MDGA2: variants seen among roughly 807,000 people sequenced by gnomAD.
MDGA2 encodes the protein MAM domain-containing glycosylphosphatidylinositol anchor protein 2.
In MDGA2, 40 loss-of-function variants were observed where a neutral mutation model predicts 117.8. That is an observed-to-expected ratio of 0.34 (90% CI 0.26 to 0.44). The LOEUF (loss-of-function observed/expected upper bound fraction) is 0.44. Among genes scored for constraint, MDGA2 ranks in the 20% least tolerant of loss-of-function variants. MDGA2 has a pLI of 1.00. For missense variants in MDGA2, 1,123 were observed against 1,250.6 expected, an observed-to-expected ratio of 0.90 and a Z score of 1.54; for synonymous variants, 452 against 439.0, an observed-to-expected ratio of 1.03 and a Z score of -0.37.
At chr14:47,581,356 G>A (rs1370885581) in intron 1 of MDGA2, among the ~76,000 whole-genome samples, 1 of 151,946 alleles carries the variant, frequency 6.6e-6, no homozygotes, top group African/African-American at 2.4e-5. Flanking sequence ...GGTAAAGGAT[G>A]ACTGTTTTGA....
chr14:47,102,323 TA>T lies in MDGA2; in HGVS notation c.926-5201del, dbSNP rs1880374588. ...TTTTGAATGGAAATAATCTGAGTAT[TA>T]TAAAGTAACCTAATTCACAGAGAAG... On this transcript the variant is annotated intron_variant, in intron 5 of 16. Transcript: ENST00000399232. Among the ~76,000 whole-genome samples, 3 of 151,250 alleles carry T rather than the reference TA, an allele frequency of 2.0e-5. No homozygotes were observed. The East Asian group carries it at 5.9e-4, about 30-fold the overall frequency.
intron 1 of MDGA2, among the ~76,000 whole-genome samples, chr14:47,405,911 T>C (rs1355332631): frequency 6.6e-6 from 1 of 152,176 alleles, no homozygotes; most frequent in South Asian, 2.1e-4. Flanking sequence ...CAGTTAATAT[T>C]TGAATAAAAG....
chr14:47,635,818 A>G (rs1897311624), intron 1 of MDGA2, among the ~76,000 whole-genome samples: 1 of 146,008 alleles, frequency 6.8e-6, no homozygotes, highest in Non-Finnish European at 1.5e-5. Flanking sequence ...ATGCCTTGTT[A>G]TCTTCCAGTG....
intron 6 of MDGA2, among the ~76,000 whole-genome samples, chr14:47,070,350 T>C (rs983257749): frequency 2.0e-5 from 3 of 152,194 alleles, no homozygotes; most frequent in African/African-American, 7.2e-5. Context: ...TTGTAAATTC[T>C]TCCTCTGCTC....
At chr14:46,896,424 T>C (rs1343950481) in intron 10 of MDGA2, among the ~76,000 whole-genome samples, 3 of 152,160 alleles carry the variant, frequency 2.0e-5, no homozygotes, top group Admixed American at 1.3e-4. Flanking sequence ...TTTCTTCTCA[T>C]AGAAATTGTA....
intron 2 of MDGA2, among the ~76,000 whole-genome samples, chr14:47,236,510 C>T (rs1022765740): frequency 4.6e-5 from 7 of 151,994 alleles, no homozygotes; most frequent in African/African-American, 1.2e-4. Flanking sequence ...ATGCTTTCTT[C>T]GAATGACCTT....
chr14:46,852,458 G>C (rs1881097186), intron 15 of MDGA2, among the ~76,000 whole-genome samples: 1 of 151,768 alleles, frequency 6.6e-6, no homozygotes, highest in Non-Finnish European at 1.5e-5. Context: ...AGGGAAGCTG[G>C]AATGTTCAGG....
chr14:47,104,504 C>T (rs149730940), intron 5 of MDGA2, among the ~76,000 whole-genome samples: 12 of 144,268 alleles, frequency 8.3e-5, no homozygotes, highest in East Asian at 2.1e-4. Flanking sequence ...AGAGAACAAA[C>T]CCCCTTTGAC....
chr14:46,890,962 G>A (rs748808252), intron 10 of MDGA2, among the ~76,000 whole-genome samples: 7 of 151,880 alleles, frequency 4.6e-5, no homozygotes, highest in Non-Finnish European at 1.0e-4. Context: ...CAATAAAACA[G>A]AACTTTGGAA....
intron 5 of MDGA2, among the ~76,000 whole-genome samples, chr14:47,127,750 T>C (rs1881978688): frequency 6.6e-6 from 1 of 152,104 alleles, no homozygotes; most frequent in Non-Finnish European, 1.5e-5. Context: ...AGTACAGCAC[T>C]CCTGTGACCT....
intron 1 of MDGA2, among the ~76,000 whole-genome samples, chr14:47,576,809 T>G (rs1594926145): frequency 6.6e-6 from 1 of 152,284 alleles, no homozygotes; most frequent in East Asian, 1.9e-4. Flanking sequence ...TCACCCAGGC[T>G]GCGATTTCAG....
Position 47,144,134 on chromosome 14 carries a change from C to T in MDGA2, c.736G>A (p.Val246Ile), listed in dbSNP as rs1052252244. ...VRYSWRRGQE[V>I]LLQGSDKGVE... ...CCTTTATCAGATCCTTGCAGCAAGA[C>T]CTCCTGGCCACGTCTCCAGCTATAC... is the stretch of plus-strand genomic sequence containing the variant. The change falls in exon 4 of 17, where the codon GTC becomes ATC. Residue 246 changes from valine (V) to isoleucine (I), a missense_variant. By Grantham distance (29) the Val-to-Ile change is conservative (BLOSUM62 3). This residue lies in a region of MDGA2 where 890 missense variants were observed against 1,050.3 expected (regional missense o/e 0.85). Coordinates refer to ENST00000399232, the MANE Select transcript of MDGA2 (RefSeq NM_001113498.3). 2 of 1,551,020 alleles carry T rather than the reference C, an allele frequency of 1.3e-6. No homozygotes were observed. The highest frequency in any genetic ancestry group is 2.7e-5 in the African/African-American group (2 of 73,000).
chr14:47,094,309 T>C (rs76744566), intron 6 of MDGA2, among the ~76,000 whole-genome samples: 2 of 151,932 alleles, frequency 1.3e-5, no homozygotes, highest in Admixed American at 1.3e-4. Flanking sequence ...ATTGAAGAAA[T>C]AAATTTTTAA....
At chr14:47,562,725 C>T (rs1895840373) in intron 1 of MDGA2, among the ~76,000 whole-genome samples, 1 of 151,988 alleles carries the variant, frequency 6.6e-6, no homozygotes, top group Non-Finnish European at 1.5e-5. Flanking sequence ...TTTCAATTTC[C>T]TTCAGTTCAA....
intron 1 of MDGA2, among the ~76,000 whole-genome samples, chr14:47,613,479 TCACACA>T (rs1555336468): frequency 1.4e-5 from 2 of 141,088 alleles, no homozygotes; most frequent in African/African-American, 2.7e-5. Context: ...TCTCTCTCTC[TCACACA>T]CACACACACA....
intron 5 of MDGA2, among the ~76,000 whole-genome samples, chr14:47,123,924 G>T (rs968245965): frequency 6.6e-5 from 10 of 151,978 alleles, no homozygotes; most frequent in South Asian, 2.1e-4. Context: ...CATCATAAAA[G>T]ATTTCAGAAC....
At chr14:47,669,839 C>T (rs1299039165) in intron 1 of MDGA2, among the ~76,000 whole-genome samples, 1 of 152,042 alleles carries the variant, frequency 6.6e-6, no homozygotes, top group African/African-American at 2.4e-5. Flanking sequence ...CATCACACGG[C>T]CTCTCCAAAC....
chr14:47,378,609 G>C (rs554102582), intron 1 of MDGA2, among the ~76,000 whole-genome samples: 277 of 152,196 alleles, frequency 1.8e-3, no homozygotes, highest in African/African-American at 6.1e-3. Flanking sequence ...GTGGAAGAAA[G>C]GGTATCAGTG....
chr14:47,545,394 T>A (rs1418718989), intron 1 of MDGA2, among the ~76,000 whole-genome samples: 2 of 152,138 alleles, frequency 1.3e-5, no homozygotes, highest in African/African-American at 4.8e-5. Context: ...TTTGAAAACA[T>A]CTCATGTTTC....
Sources: allele counts gnomAD v4.1 joint callset (sites outside exome capture counted in the v4.1 genomes callset), GRCh38; gene constraint gnomAD v4.1.1; regional missense constraint gnomAD v4.1.1; transcripts MANE v1.5; gene names NCBI Gene and HGNC (gene_info 2026-07-23, HGNC 2026-07-21).